The following KIF5B variants were observed in gnomAD, a reference collection of about 807,000 sequenced individuals.
KIF5B encodes the protein kinesin family member 5B.
Under a neutral mutation model 132.8 loss-of-function variants are expected in KIF5B, and 49 were observed. That is an observed-to-expected ratio of 0.37 (90% CI 0.29 to 0.47). KIF5B has a LOEUF of 0.47. KIF5B is among the 20% of genes least tolerant of loss of function. The pLI is 1.00. For synonymous variants in KIF5B, 355 were observed against 369.4 expected, an observed-to-expected ratio of 0.96 and a Z score of 0.45; for missense variants, 780 against 1,144.0, an observed-to-expected ratio of 0.68 and a Z score of 4.59.
At position 32,056,097 on chromosome 10, in the gene KIF5B, G is replaced by C. The variant is rs1841759693; in HGVS notation, c.-124C>G. 1 of 1,252,262 alleles carries C rather than the reference G, an allele frequency of 8.0e-7. No individual in the cohort carries two copies. The highest frequency in any genetic ancestry group is 1.6e-5 in the African/African-American group (1 of 64,448). The allele number at this position is 1,252,262 out of a possible 1,614,324, so 77.6% of individuals were successfully genotyped here. A position where few individuals can be genotyped will look rare whatever the true frequency, so the allele number is the denominator to read the frequency against. On this transcript the variant is annotated 5_prime_UTR_variant, in exon 1 of 26. Transcript: ENST00000302418. The stretch of plus-strand genomic sequence containing the variant: ...GAGAGGCAGCAGTCAGCTGCGCCGC[G>C]CTGCGCTTCCCCGGGTGGAGGCGGC...
intron 15 of KIF5B, 105 bp from the exon 16 acceptor site, chr10:32,023,141 C>G: frequency 1.9e-6 from 1 of 526,526 alleles, no homozygotes; most frequent in South Asian, 5.6e-5. Flanking sequence ...TAGTATTACT[C>G]AATATTCATA....
chr10:32,027,488 T>C (rs1316678042), intron 15 of KIF5B, among the ~76,000 whole-genome samples: 3 of 98,534 alleles, frequency 3.0e-5, no homozygotes, highest in Non-Finnish European at 7.0e-5. Context: ...TCTACTATTA[T>C]ATGTTTGAAA....
rs572338824 is a variant in KIF5B at position 32,009,442 on chromosome 10, A to G, written c.*2095T>C. ...AGTGCTGTGTTTAATGACCTACCATAGCAAAAAGCAGTTCACTGAAAACAA... is the reference window on the plus strand; with the variant it reads ...AGTGCTGTGTTTAATGACCTACCATGGCAAAAAGCAGTTCACTGAAAACAA... On this transcript the variant is annotated 3_prime_UTR_variant, in exon 26 of 26. Transcript: ENST00000302418. 6.6e-6 allele frequency: 1 copy of G among 152,328 alleles called. No individual in the cohort carries two copies. Among genetic ancestry groups the G allele is most frequent in the Non-Finnish European group, 1.5e-5 (1 of 68,026 alleles). The allele number at this position is 152,328 out of a possible 1,614,324, so 9.4% of individuals were successfully genotyped here.
intron 19 of KIF5B, 122 bp from the exon 20 acceptor site, chr10:32,020,081 C>CTGT: frequency 1.7e-6 from 1 of 598,808 alleles, no homozygotes; most frequent in Non-Finnish European, 2.8e-6. Context: ...TATCCTATAC[C>CTGT]CTATGGAGGA....
intron 11 of KIF5B, 61 bp downstream of exon 11, chr10:32,034,629 C>T: frequency 1.7e-5 from 22 of 1,261,978 alleles, no homozygotes; most frequent in Non-Finnish European, 2.2e-5. Flanking sequence ...ACTATTTCTA[C>T]GTTTCTATGC....
chr10:32,013,578 ACAAAC>A (rs1471971646), intron 25 of KIF5B, among the ~76,000 whole-genome samples: 2 of 152,254 alleles, frequency 1.3e-5, no homozygotes, highest in African/African-American at 4.8e-5. Flanking sequence ...TCTGGTTTAG[ACAAAC>A]CAGCTGTACA....
At chr10:32,017,017 A>T (rs1841179112) in intron 24 of KIF5B, 126 bp downstream of exon 24, 2 of 779,600 alleles carry the variant, frequency 2.6e-6, no homozygotes, top group African/African-American at 3.4e-5. Flanking sequence ...CAACAGTGCC[A>T]CTCTGCTAAG....
chr10:32,036,462 C>A (rs188994125), intron 8 of KIF5B, among the ~76,000 whole-genome samples: 241 of 152,088 alleles, frequency 1.6e-3, no homozygotes, highest in Non-Finnish European at 2.5e-3. Flanking sequence ...CTCTGTCACC[C>A]AGGCTGGAGT....
intron 11 of KIF5B, 72 bp from the exon 12 acceptor site, chr10:32,034,110 A>ATTT: frequency 9.9e-7 from 1 of 1,006,216 alleles, no homozygotes; most frequent in Non-Finnish European, 1.4e-6. Context: ...TTCCTTTAAA[A>ATTT]ATTTTTTTTT....
intron 19 of KIF5B, 36 bp downstream of exon 19, chr10:32,020,986 A>G (rs749179689): frequency 8.4e-7 from 1 of 1,190,094 alleles, no homozygotes; most frequent in Non-Finnish European, 1.2e-6. Context: ...TCAGTAACCG[A>G]TTCTTTCCTC....
At chr10:32,020,322 T>TGTA (rs1394223206) in intron 19 of KIF5B, among the ~76,000 whole-genome samples, 2 of 152,018 alleles carry the variant, frequency 1.3e-5, no homozygotes, top group African/African-American at 4.8e-5. Context: ...AAACTCTATG[T>TGTA]ATGTGCACAT....
intron 3 of KIF5B, 79 bp downstream of exon 3, chr10:32,040,305 G>C (rs1005254757): frequency 5.9e-6 from 5 of 842,312 alleles, no homozygotes; most frequent in African/African-American, 1.7e-5. Flanking sequence ...AAATGTTTAT[G>C]CATGGTGAAA....
chr10:32,015,522 T>C lies in KIF5B; in HGVS notation c.*7A>G, dbSNP rs755872429. The stretch of plus-strand genomic sequence containing the variant: ...TAAATAACAAACCTGTGGGTATGTA[T>C]AAACGATTACACTTGTTTGCCTCCT... On this transcript the variant is annotated 3_prime_UTR_variant, in exon 25 of 26. Transcript: ENST00000302418. The C allele has an allele frequency of 1.2e-5, 20 of 1,602,996 alleles. No homozygotes were observed. The highest frequency in any genetic ancestry group is 2.2e-5 in the East Asian group (1 of 44,464).
At chr10:32,038,853 G>A (rs199894716) in intron 4 of KIF5B, 27 bp from the exon 5 acceptor site, 21 of 1,368,098 alleles carry the variant, frequency 1.5e-5, no homozygotes, top group South Asian at 6.0e-5. Flanking sequence ...AAAAAACACC[G>A]ATCAACTAAA....
chr10:32,038,814 C>A lies in KIF5B; in HGVS notation c.406G>T (p.Glu136Ter). The A allele has an allele frequency of 6.7e-7, 1 of 1,501,208 alleles. No homozygotes were observed. The highest frequency in any genetic ancestry group is 1.2e-5 in the South Asian group (1 of 86,322). 93.0% of individuals were successfully genotyped at this position (1,501,208 alleles called of 1,614,324 possible). The change falls in exon 5 of 26, where the codon GAA (glutamate) becomes TAA (stop). Residue 136 changes from glutamate (E) to a stop codon, truncating the protein, a stop_gained. Coordinates refer to ENST00000302418, the MANE Select transcript of KIF5B (RefSeq NM_004521.3). LOFTEE classifies it high-confidence loss of function. The stretch of plus-strand genomic sequence containing the variant: ...TCCCTTATCTTATCCAAATATATTT[C>A]AAAATATGAAACCTAAAGGGCAAAT... The part of the protein sequence containing the change: ...LEFHIKVSYF[E>*]IYLDKIRDLL...
intron 1 of KIF5B, among the ~76,000 whole-genome samples, chr10:32,049,219 TG>T (rs1328988495): frequency 1.3e-5 from 2 of 152,224 alleles, no homozygotes; most frequent in African/African-American, 4.8e-5. Context: ...ATTCCCTCTC[TG>T]CTTTAGTGGA....
chr10:32,034,667 A>G, intron 11 of KIF5B, 23 bp downstream of exon 11: 1 of 1,517,774 alleles, frequency 6.6e-7, no homozygotes, highest in Non-Finnish European at 8.8e-7. Context: ...CAAACTGAAG[A>G]TGACAAATTC....
intron 14 of KIF5B, among the ~76,000 whole-genome samples, chr10:32,029,916 T>C (rs915000437): frequency 1.3e-5 from 2 of 152,212 alleles, no homozygotes; most frequent in Non-Finnish European, 1.5e-5. Context: ...AAGCTAACTG[T>C]AACTTTGTAG....
Position 32,038,148 on chromosome 10 carries a change from C to G in KIF5B, c.498+15G>C. 6.7e-7 allele frequency: 1 copy of G among 1,488,042 alleles called. No homozygotes were observed. The highest frequency in any genetic ancestry group is 9.3e-7 in the Non-Finnish European group (1 of 1,079,428). The allele number at this position is 1,488,042 out of a possible 1,614,324, so 92.2% of individuals were successfully genotyped here. A position where few individuals can be genotyped will look rare whatever the true frequency, so the allele number is the denominator to read the frequency against. On this transcript the variant is annotated intron_variant, in intron 6 of 25. Coordinates refer to ENST00000302418, the MANE Select transcript of KIF5B (RefSeq NM_004521.3). ...AAGTATTACAGGGTTTTCTAGACAACTGTACTATAAATACCTTTACATAGG... is the reference window on the plus strand; with the variant it reads ...AAGTATTACAGGGTTTTCTAGACAAGTGTACTATAAATACCTTTACATAGG...
Sources: gnomAD v4.1 joint callset for allele counts (sites outside exome capture counted in the v4.1 genomes callset) on GRCh38, gnomAD v4.1.1 for gene constraint, MANE v1.5 for transcripts, NCBI Gene and HGNC (gene_info 2026-07-23, HGNC 2026-07-21) for gene names.